The following BABAM2 variants were observed in gnomAD, a reference collection of about 807,000 sequenced individuals.
The protein encoded by BABAM2 is BRISC and BRCA1-A complex member 2.
In BABAM2, 31 loss-of-function variants were observed where a neutral mutation model predicts 54.7. The ratio of observed to expected loss-of-function variants is 0.57; its 90% CI spans 0.43 to 0.77. The LOEUF is 0.77. BABAM2 is among the 30% of genes least tolerant of loss of function. BABAM2 has a pLI of 0.00. For synonymous variants in BABAM2, 167 were observed against 162.9 expected (o/e 1.03, Z -0.19); for missense variants, 364 against 455.8 (o/e 0.80, Z 1.83).
At chr2:28,138,819 C>T (rs557233059) in intron 7 of BABAM2, among the ~76,000 whole-genome samples, 47 of 152,280 alleles carry the variant, frequency 3.1e-4, no homozygotes, top group African/African-American at 1.0e-3. Context: ...TGTCGTCTCT[C>T]ATGTTCATCT....
At chr2:27,976,646 C>A (rs1024136376) in intron 3 of BABAM2, among the ~76,000 whole-genome samples, 1 of 152,096 alleles carries the variant, frequency 6.6e-6, no homozygotes, top group East Asian at 1.9e-4. Context: ...GATGTTTACA[C>A]AAATCTCTGC....
At chr2:28,315,080 G>A (rs1369567998) in intron 11 of BABAM2, among the ~76,000 whole-genome samples, 1 of 137,922 alleles carries the variant, frequency 7.3e-6, no homozygotes, top group African/African-American at 2.7e-5. Context: ...GGGAGGGAAG[G>A]AAGGAAGGAG....
At chr2:28,291,976 T>G (rs1329018081) in intron 10 of BABAM2, among the ~76,000 whole-genome samples, 1 of 152,184 alleles carries the variant, frequency 6.6e-6, no homozygotes, top group East Asian at 1.9e-4. Flanking sequence ...ACAATCAGCC[T>G]CAAATGGAAT....
chr2:28,061,641 G>A (rs1475309291), intron 6 of BABAM2, among the ~76,000 whole-genome samples: 1 of 146,202 alleles, frequency 6.8e-6, no homozygotes, highest in Non-Finnish European at 1.5e-5. Flanking sequence ...GCCTTGAAAA[G>A]ACATATATAT....
At chr2:28,239,082 A>G (rs1003512249) in intron 8 of BABAM2, among the ~76,000 whole-genome samples, 2 of 152,202 alleles carry the variant, frequency 1.3e-5, no homozygotes, top group Non-Finnish European at 1.5e-5. Flanking sequence ...TTCTGTTTTT[A>G]AAATCAAGTA....
chr2:28,101,684 C>G (rs1250705267), intron 6 of BABAM2, among the ~76,000 whole-genome samples: 1 of 152,130 alleles, frequency 6.6e-6, no homozygotes, highest in Non-Finnish European at 1.5e-5. Context: ...CTTAGAATTT[C>G]TACTGTTTGT....
chr2:28,053,050 A>T (rs966566267), intron 6 of BABAM2, among the ~76,000 whole-genome samples: 6 of 152,178 alleles, frequency 3.9e-5, no homozygotes, highest in African/African-American at 7.2e-5. Flanking sequence ...CCAGATATTC[A>T]CTTTATTTAA....
chr2:28,216,132 G>A (rs1679898838), intron 7 of BABAM2, among the ~76,000 whole-genome samples: 3 of 152,076 alleles, frequency 2.0e-5, no homozygotes, highest in Admixed American at 1.3e-4. Flanking sequence ...TCAAATAACA[G>A]CATCATGATA....
intron 7 of BABAM2, among the ~76,000 whole-genome samples, chr2:28,213,441 G>A (rs4637064): frequency 0.65 from 98,197 of 151,836 alleles, 33,249 homozygotes; most frequent in East Asian, 0.99. Flanking sequence ...TGGAATTTCA[G>A]TAACTTAATA....
At chr2:28,292,654 C>G (rs762217308) in intron 10 of BABAM2, among the ~76,000 whole-genome samples, 1 of 152,176 alleles carries the variant, frequency 6.6e-6, no homozygotes, top group Non-Finnish European at 1.5e-5. Context: ...CTCCAAGCCT[C>G]AAGACCTCAC....
intron 7 of BABAM2, among the ~76,000 whole-genome samples, chr2:28,165,964 G>A (rs1057136289): frequency 3.3e-5 from 5 of 152,120 alleles, no homozygotes; most frequent in African/African-American, 1.2e-4. Context: ...GCCTTTAAGA[G>A]GTAATTAGAT....
intron 7 of BABAM2, among the ~76,000 whole-genome samples, chr2:28,147,725 G>A (rs1159956857): frequency 2.0e-5 from 3 of 152,042 alleles, no homozygotes; most frequent in Non-Finnish European, 1.5e-5. Context: ...CACCCGTCTC[G>A]GCCTCCCAAA....
At chr2:27,911,484 GA>G (rs1363993057) in intron 2 of BABAM2, among the ~76,000 whole-genome samples, 1 of 152,074 alleles carries the variant, frequency 6.6e-6, no homozygotes, top group Admixed American at 6.6e-5. Flanking sequence ...AATAAGGTAG[GA>G]AGAGGAAATC....
At chr2:27,948,962 T>C (rs1669506294) in intron 3 of BABAM2, among the ~76,000 whole-genome samples, 1 of 152,128 alleles carries the variant, frequency 6.6e-6, no homozygotes, top group African/African-American at 2.4e-5. Flanking sequence ...TTTGTTTAGT[T>C]TTTTAAAATC....
intron 2 of BABAM2, among the ~76,000 whole-genome samples, chr2:27,917,312 G>A (rs115683587): frequency 0.012 from 1,881 of 152,194 alleles, 32 homozygotes; most frequent in African/African-American, 0.041. Flanking sequence ...CACCACGCCC[G>A]GCCCAAAGTG....
intron 4 of BABAM2, among the ~76,000 whole-genome samples, chr2:27,999,689 A>G (rs1233087116): frequency 6.6e-6 from 1 of 152,210 alleles, no homozygotes; most frequent in African/African-American, 2.4e-5. Flanking sequence ...TATGGTACTA[A>G]GGATTTCAGA....
rs557670022 is a variant in BABAM2, at chr2:28,045,042, G to T, written c.496-683G>T. Among the ~76,000 whole-genome samples, 7 of 151,508 alleles carry T rather than the reference G, an allele frequency of 4.6e-5. No individual in the cohort carries two copies. The East Asian group carries it at 1.4e-3, about 29-fold the overall frequency. On this transcript the variant is annotated intron_variant, in intron 5 of 11. Transcript: ENST00000379624. ...CCTAGGCTTTCCTGTCATAAAAATT[G>T]AGAGGCAGACGTTTTTCTTTTAAAT...
At chr2:28,263,890 T>C (rs1684752551) in intron 10 of BABAM2, among the ~76,000 whole-genome samples, 1 of 152,202 alleles carries the variant, frequency 6.6e-6, no homozygotes, top group African/African-American at 2.4e-5. Flanking sequence ...GGATTAACAA[T>C]TCCCCCGTCT....
intron 7 of BABAM2, among the ~76,000 whole-genome samples, chr2:28,186,599 C>A (rs940214700): frequency 4.6e-5 from 7 of 150,940 alleles, no homozygotes; most frequent in African/African-American, 1.5e-4. Context: ...AAAAAAGACA[C>A]AGAGACAGAG....
Sources: gnomAD v4.1 joint callset for allele counts (sites outside exome capture counted in the v4.1 genomes callset) on GRCh38, gnomAD v4.1.1 for gene constraint, MANE v1.5 for transcripts, NCBI Gene and HGNC (gene_info 2026-07-23, HGNC 2026-07-21) for gene names.